Variants in PLCB1 observed in about 807,000 individuals in gnomAD.
PLCB1 encodes phospholipase C beta 1.
PLCB1 carries 46 observed loss-of-function variants against 161.8 expected under a neutral mutation model. The observed-to-expected ratio is 0.28, with a 90% CI of 0.22 to 0.36. The LOEUF is 0.36. Ranked by LOEUF, PLCB1 falls within the 10% of genes least tolerant of loss-of-function variation. The pLI is 1.00. For missense variants in PLCB1, 1,016 were observed against 1,472.5 expected (o/e 0.69, Z 5.07); for synonymous variants, 517 against 503.7 (o/e 1.03, Z -0.35).
chr20:8,351,047 C>A (rs1292916311), intron 2 of PLCB1, among the ~76,000 whole-genome samples: 2 of 151,850 alleles, frequency 1.3e-5, no homozygotes, highest in Non-Finnish European at 2.9e-5. Context: ...TTAGCTAATA[C>A]AAAACTAAAA....
intron 2 of PLCB1, among the ~76,000 whole-genome samples, chr20:8,231,278 C>G (rs1980020173): frequency 6.6e-6 from 1 of 152,168 alleles, no homozygotes. Flanking sequence ...ATAACTCTTT[C>G]TTGGGAAAGT....
rs1473479116 is a variant in PLCB1, at chr20:8,523,506, A to C, written c.247-104788A>C. On this transcript the variant is annotated intron_variant, in intron 3 of 31. Coordinates refer to ENST00000338037, the MANE Select transcript of PLCB1 (RefSeq NM_015192.4). The stretch of plus-strand genomic sequence containing the variant: ...TCTCTCTCTCTCTCTCTATATATAT[A>C]TATATATATATATATGGAGAGAGAC... Among the ~76,000 whole-genome samples, 86 of 98,178 alleles carry C rather than the reference A, an allele frequency of 8.8e-4. 1 individual carries two copies. The highest frequency in any genetic ancestry group is 1.7e-3 in the African/African-American group (46 of 26,806). The allele number at this position is 98,178 out of a possible 152,430, so 64.4% of individuals were successfully genotyped here.
intron 3 of PLCB1, among the ~76,000 whole-genome samples, chr20:8,478,963 G>A (rs904123976): frequency 1.4e-4 from 21 of 152,098 alleles, no homozygotes; most frequent in Admixed American, 1.2e-3. Context: ...CAGTCTGGCT[G>A]TTAAGCCTAA....
At chr20:8,200,436 A>T (rs2052080922) in intron 2 of PLCB1, among the ~76,000 whole-genome samples, 1 of 152,068 alleles carries the variant, frequency 6.6e-6, no homozygotes. Flanking sequence ...AGCAATATTT[A>T]TCAATGTAAC....
intron 3 of PLCB1, among the ~76,000 whole-genome samples, chr20:8,415,453 G>T (rs1979228180): frequency 6.6e-6 from 1 of 152,322 alleles, no homozygotes; most frequent in Admixed American, 6.5e-5. Context: ...TTGGAATCCT[G>T]CAAAAGCTGA....
chr20:8,382,618 G>T (rs1987294013), intron 3 of PLCB1, among the ~76,000 whole-genome samples: 1 of 148,024 alleles, frequency 6.8e-6, no homozygotes, highest in Admixed American at 6.8e-5. Context: ...CACAATCTCA[G>T]TTCACTCTTG....
chr20:8,479,827 G>A (rs1020917939), intron 3 of PLCB1, among the ~76,000 whole-genome samples: 3 of 152,144 alleles, frequency 2.0e-5, no homozygotes, highest in African/African-American at 7.2e-5. Context: ...GGTAGTTGAC[G>A]ATTTCGAAAT....
intron 31 of PLCB1, among the ~76,000 whole-genome samples, chr20:8,855,801 C>G (rs1248446977): frequency 6.6e-6 from 1 of 152,168 alleles, no homozygotes; most frequent in African/African-American, 2.4e-5. Context: ...ATCTGAATGA[C>G]TTCTGGCCAA....
At chr20:8,134,223 AAAG>A (rs1367452218) in intron 1 of PLCB1, among the ~76,000 whole-genome samples, 2 of 152,246 alleles carry the variant, frequency 1.3e-5, no homozygotes, top group African/African-American at 4.8e-5. Flanking sequence ...CAGGGAAAAA[AAAG>A]ACAAAGAAAA....
chr20:8,601,685 G>A (rs75355314), intron 3 of PLCB1, among the ~76,000 whole-genome samples: 6,759 of 152,238 alleles, frequency 0.044, 495 homozygotes, highest in African/African-American at 0.15. Flanking sequence ...TGGCTGTGAT[G>A]TGCAAAGCCA....
intron 2 of PLCB1, among the ~76,000 whole-genome samples, chr20:8,187,515 A>G (rs2051918390): frequency 6.6e-6 from 1 of 152,144 alleles, no homozygotes; most frequent in Admixed American, 6.5e-5. Flanking sequence ...TTTAAGATGG[A>G]GTTTGCCACT....
At chr20:8,349,666 G>A (rs1433088686) in intron 2 of PLCB1, among the ~76,000 whole-genome samples, 1 of 152,172 alleles carries the variant, frequency 6.6e-6, no homozygotes, top group Non-Finnish European at 1.5e-5. Context: ...TGGCAGCATT[G>A]CTAGTCAAGA....
rs1234207527 is a variant in PLCB1 at position 8,190,609 on chromosome 20, A to G, written c.177+40238A>G. ...TGTTTACAGATAAAGTGAGCTGGAC[A>G]TTGGGAAGTCCACTGGCAACTTCTG... On this transcript the variant is annotated intron_variant, in intron 2 of 31. Transcript: ENST00000338037. Among the ~76,000 whole-genome samples the G allele has an allele frequency of 2.6e-5, 4 of 152,098 alleles. No homozygotes were observed. In the East Asian group the frequency reaches 7.7e-4, roughly 29 times the overall value.
intron 3 of PLCB1, among the ~76,000 whole-genome samples, chr20:8,574,732 G>A (rs961998258): frequency 3.3e-5 from 5 of 152,316 alleles, no homozygotes; most frequent in African/African-American, 7.2e-5. Flanking sequence ...CACTGGAGGT[G>A]CAAGGGAGCT....
chr20:8,330,625 G>A (rs1422813549), intron 2 of PLCB1, among the ~76,000 whole-genome samples: 1 of 152,218 alleles, frequency 6.6e-6, no homozygotes, highest in Non-Finnish European at 1.5e-5. Context: ...TGAAGAAGTT[G>A]TTGGCTCAGG....
intron 31 of PLCB1, among the ~76,000 whole-genome samples, chr20:8,829,535 T>C (rs1000018930): frequency 6.6e-6 from 1 of 152,236 alleles, no homozygotes; most frequent in Non-Finnish European, 1.5e-5. Context: ...AGAGATGCTT[T>C]CTGGAGTGTT....
intron 31 of PLCB1, among the ~76,000 whole-genome samples, chr20:8,841,199 T>A (rs2179476): frequency 0.32 from 48,653 of 151,936 alleles, 8,777 homozygotes; most frequent in East Asian, 0.64. Context: ...AAAAAATAAG[T>A]CATCACCATT....
intron 31 of PLCB1, among the ~76,000 whole-genome samples, chr20:8,826,536 A>G (rs1366826173): frequency 6.6e-6 from 1 of 151,450 alleles, no homozygotes; most frequent in Non-Finnish European, 1.5e-5. Flanking sequence ...CCTCAGATGG[A>G]GCCATGGAGA....
At chr20:8,747,505 G>A (rs1981232301) in intron 23 of PLCB1, among the ~76,000 whole-genome samples, 1 of 152,160 alleles carries the variant, frequency 6.6e-6, no homozygotes, top group South Asian at 2.1e-4. Flanking sequence ...ATGTTGAAAA[G>A]GAAAAGTTGT....
Sources: allele counts gnomAD v4.1 joint callset (sites outside exome capture counted in the v4.1 genomes callset), GRCh38; gene constraint gnomAD v4.1.1; transcripts MANE v1.5; gene names NCBI Gene and HGNC (gene_info 2026-07-23, HGNC 2026-07-21).